The following AGPAT5 variants were observed in gnomAD, a reference collection of about 807,000 sequenced individuals.
AGPAT5 encodes the protein 1-acyl-sn-glycerol-3-phosphate acyltransferase epsilon.
AGPAT5 carries 46 observed loss-of-function variants against 45.6 expected under a neutral mutation model. The ratio of observed to expected loss-of-function variants is 1.01; its 90% CI spans 0.80 to 1.29. AGPAT5 has a LOEUF of 1.29. AGPAT5 is among the 50% of genes most tolerant of loss of function. The pLI is 0.00. For missense variants in AGPAT5, 673 were observed against 450.7 expected (o/e 1.49, Z -4.47); for synonymous variants, 272 against 167.0 (o/e 1.63, Z -4.85).
intron 2 of AGPAT5, among the ~76,000 whole-genome samples, chr8:6,730,322 T>TGAAGCCCATTCATAGTACAACCTG (rs1587023687): frequency 5.7e-5 from 2 of 35,258 alleles, no homozygotes; most frequent in Non-Finnish European, 1.2e-4. Context: ...ATAGGACTTT[T>TGAAGCCCATTCATAGTACAACCTG]TTTTTTTTTT....
chr8:6,732,751 T>C (rs1183570923), intron 4 of AGPAT5, 101 bp downstream of exon 4: 5 of 1,065,422 alleles, frequency 4.7e-6, no homozygotes, highest in Non-Finnish European at 5.3e-6. Flanking sequence ...TATTTTCCCA[T>C]GTGTAATTAC....
At chr8:6,737,149 G>A (rs1002878983) in intron 4 of AGPAT5, among the ~76,000 whole-genome samples, 11 of 152,186 alleles carry the variant, frequency 7.2e-5, no homozygotes, top group African/African-American at 2.2e-4. Flanking sequence ...AGCGCAGTGT[G>A]GATAACAGAC....
intron 4 of AGPAT5, among the ~76,000 whole-genome samples, chr8:6,740,729 C>G (rs1339192738): frequency 6.6e-6 from 1 of 151,894 alleles, no homozygotes; most frequent in Non-Finnish European, 1.5e-5. Context: ...ATAGGTCATC[C>G]AGATGAAGGA....
chr8:6,714,743 C>T (rs1800264587), intron 1 of AGPAT5, among the ~76,000 whole-genome samples: 3 of 152,122 alleles, frequency 2.0e-5, no homozygotes, highest in African/African-American at 7.2e-5. Context: ...AAATGAACTT[C>T]TTACAGATCA....
intron 5 of AGPAT5, chr8:6,745,184 G>A (rs1319199368): frequency 6.5e-6 from 1 of 154,134 alleles, no homozygotes. Flanking sequence ...AAGCTGCCAT[G>A]TCTAAGAAGA....
At chr8:6,731,275 T>G (rs1035432961) in intron 3 of AGPAT5, among the ~76,000 whole-genome samples, 1 of 152,196 alleles carries the variant, frequency 6.6e-6, no homozygotes, top group African/African-American at 2.4e-5. Flanking sequence ...GCATTTTTAG[T>G]GGTGTGTATT....
chr8:6,739,742 T>C (rs1179736167), intron 4 of AGPAT5, among the ~76,000 whole-genome samples: 3 of 152,114 alleles, frequency 2.0e-5, no homozygotes, highest in Non-Finnish European at 2.9e-5. Context: ...TGATGGCTTT[T>C]ATTTCTTTTT....
chr8:6,757,939 G>A lies in AGPAT5; in HGVS notation c.*551G>A, dbSNP rs1170113519. ...GGGGAAAAAGCTCTGTTTAGCACATGATTTTATTGTATTGCGTTATTAGCT... is the reference window on the plus strand; with the variant it reads ...GGGGAAAAAGCTCTGTTTAGCACATAATTTTATTGTATTGCGTTATTAGCT... On this transcript the variant is annotated 3_prime_UTR_variant, in exon 8 of 8. Coordinates refer to ENST00000285518, the MANE Select transcript of AGPAT5 (RefSeq NM_018361.5). 6.6e-6 allele frequency: 1 copy of A among 152,322 alleles called. No homozygotes were observed. Among genetic ancestry groups the A allele is most frequent in the African/African-American group, 2.4e-5 (1 of 41,428 alleles). The allele number at this position is 152,322 out of a possible 1,614,324, so 9.4% of individuals were successfully genotyped here.
rs890462243 is a variant in AGPAT5, at chr8:6,759,164, A to T, written c.*1776A>T. ...GTAATTTTCTCTTACCTGTAAAGTA[A>T]AATTTAGATCAATTCCATGTCTTTG... is the stretch of plus-strand genomic sequence containing the variant. On this transcript the variant is annotated 3_prime_UTR_variant, in exon 8 of 8. Transcript: ENST00000285518. 6.6e-5 allele frequency: 10 copies of T among 152,220 alleles called. No individual in the cohort carries two copies. The highest frequency in any genetic ancestry group is 6.5e-4 in the Admixed American group (10 of 15,282). 9.4% of individuals were successfully genotyped at this position (152,220 alleles called of 1,614,324 possible).
At chr8:6,737,298 T>TG (rs1278617059) in intron 4 of AGPAT5, among the ~76,000 whole-genome samples, 7 of 152,356 alleles carry the variant, frequency 4.6e-5, no homozygotes, top group African/African-American at 1.4e-4. Context: ...CTCAGGTTCT[T>TG]ATGATTCTTT....
chr8:6,711,618 A>C (rs1464656083), intron 1 of AGPAT5, among the ~76,000 whole-genome samples: 1 of 152,256 alleles, frequency 6.6e-6, no homozygotes, highest in Non-Finnish European at 1.5e-5. Flanking sequence ...CTGCCAAAAC[A>C]GATCACCTCA....
chr8:6,728,713 C>G (rs56030398), intron 2 of AGPAT5, among the ~76,000 whole-genome samples: 3,255 of 152,220 alleles, frequency 0.021, 116 homozygotes, highest in African/African-American at 0.074. Flanking sequence ...GTGCTGTAGC[C>G]TGGTAACCAT....
chr8:6,749,703 AAC>A (rs1003399091), intron 6 of AGPAT5, among the ~76,000 whole-genome samples: 16 of 152,232 alleles, frequency 1.1e-4, no homozygotes, highest in African/African-American at 3.6e-4. Flanking sequence ...TGCATTTGAA[AAC>A]AGACAGTTCA....
intron 2 of AGPAT5, among the ~76,000 whole-genome samples, chr8:6,729,377 A>G (rs1457442939): frequency 6.9e-6 from 1 of 144,344 alleles, no homozygotes; most frequent in Non-Finnish European, 1.5e-5. Flanking sequence ...CCTTCCTCTG[A>G]CTCACTCCTT....
intron 1 of AGPAT5, among the ~76,000 whole-genome samples, chr8:6,714,334 C>A: frequency 6.6e-6 from 1 of 152,172 alleles, no homozygotes; most frequent in East Asian, 1.9e-4. Flanking sequence ...AAAACTTTTA[C>A]TATAGGAAAT....
At chr8:6,711,409 T>G (rs118122861) in intron 1 of AGPAT5, among the ~76,000 whole-genome samples, 1 of 152,252 alleles carries the variant, frequency 6.6e-6, no homozygotes, top group African/African-American at 2.4e-5. Flanking sequence ...TCGTTTATCC[T>G]TTTAGGTCCT....
chr8:6,722,973 C>G (rs1800558510), intron 1 of AGPAT5, among the ~76,000 whole-genome samples: 1 of 152,000 alleles, frequency 6.6e-6, no homozygotes, highest in South Asian at 2.1e-4. Flanking sequence ...TTTCTTGTGC[C>G]TTATTTTGAA....
At chr8:6,729,823 G>C (rs111666770) in intron 2 of AGPAT5, among the ~76,000 whole-genome samples, 3 of 151,980 alleles carry the variant, frequency 2.0e-5, no homozygotes, top group African/African-American at 7.2e-5. Context: ...GCAACCCTTT[G>C]TTAATAACAT....
At chr8:6,732,208 G>T (rs922439352) in intron 3 of AGPAT5, among the ~76,000 whole-genome samples, 24 of 152,142 alleles carry the variant, frequency 1.6e-4, no homozygotes, top group Non-Finnish European at 3.1e-4. Flanking sequence ...TAGTGACTCT[G>T]TAATAAGTGG....
Sources: gnomAD v4.1 joint callset for allele counts (sites outside exome capture counted in the v4.1 genomes callset) on GRCh38, gnomAD v4.1.1 for gene constraint, MANE v1.5 for transcripts, NCBI Gene and HGNC (gene_info 2026-07-23, HGNC 2026-07-21) for gene names.